Variants in USP31 observed in about 807,000 individuals in gnomAD.
USP31 encodes the protein ubiquitin specific peptidase 31, also known as ubiquitin carboxyl-terminal hydrolase 31.
USP31 carries 44 observed loss-of-function variants against 119.4 expected under a neutral mutation model. The ratio of observed to expected loss-of-function variants is 0.37; its 90% CI spans 0.29 to 0.47. The LOEUF (loss-of-function observed/expected upper bound fraction) is 0.47. USP31 is among the 20% of genes least tolerant of loss of function. The pLI is 0.99. For synonymous variants in USP31, 749 were observed against 705.6 expected, an observed-to-expected ratio of 1.06 and a Z score of -0.97; for missense variants, 1,643 against 1,730.2, an observed-to-expected ratio of 0.95 and a Z score of 0.89.
At chr16:23,148,601 CG>C in intron 1 of USP31, 36 bp downstream of exon 1, 2 of 1,424,776 alleles carry the variant, frequency 1.4e-6, no homozygotes. Context: ...CCCAGGGGCT[CG>C]GGGTGCAGTG....
Position 23,068,615 on chromosome 16 carries a change from C to G in USP31, c.3490G>C (p.Gly1164Arg). Residue 1164 changes from glycine to arginine, a missense_variant, in exon 16 of 16, where the codon GGT (glycine) becomes CGT (arginine). Gly to Arg is a moderately radical substitution (Grantham distance 125). Around this residue, in one of 5 missense-constraint regions of USP31, gnomAD observed 699 missense variants for 650.9 expected, o/e 1.07. Coordinates refer to ENST00000219689, the MANE Select transcript of USP31 (RefSeq NM_020718.4). ...GAGGTGGCGCTGGCTCTGTCAGAAC[C>G]CAAGCTTTGTCTGGAGCCCTCTCTA... Reference protein sequence around the residue: ...LSREGSRQSLGSDRASATSTS... With the variant: ...LSREGSRQSLRSDRASATSTS... 1 of 1,614,212 alleles carries G rather than the reference C, an allele frequency of 6.2e-7. No homozygotes were observed.
At position 23,149,228 on chromosome 16, in the gene USP31, C is replaced by T; in HGVS notation, c.43G>A (p.Ala15Thr). 8.9e-7 allele frequency: 1 copy of T among 1,129,248 alleles called. No individual in the cohort carries two copies. The highest frequency in any genetic ancestry group is 1.1e-6 in the Non-Finnish European group (1 of 920,654). 70.0% of individuals were successfully genotyped at this position (1,129,248 alleles called of 1,614,324 possible). A position where few individuals can be genotyped will look rare whatever the true frequency, so the allele number is the denominator to read the frequency against. ...TAPGSGPPAA[A>T]SGKEKRSFSK... Reference sequence around the variant, plus strand: ...AAGGAGCGCTTCTCCTTCCCGCTCGCCGCCGCCGGCGGCCCGGACCCAGGC... The same window carrying T: ...AAGGAGCGCTTCTCCTTCCCGCTCGTCGCCGCCGGCGGCCCGGACCCAGGC... Residue 15 changes from alanine (A) to threonine (T), a missense_variant, in exon 1 of 16, where the codon GCG (alanine) becomes ACG (threonine). Ala to Thr is a moderately conservative substitution (Grantham distance 58). Coordinates refer to ENST00000219689, the MANE Select transcript of USP31 (RefSeq NM_020718.4).
chr16:23,081,228 A>G (rs1266118834), intron 12 of USP31, among the ~76,000 whole-genome samples: 1 of 152,206 alleles, frequency 6.6e-6, no homozygotes, highest in Non-Finnish European at 1.5e-5. Flanking sequence ...ATGCCTTCAA[A>G]AGAAAACAGA....
At position 23,072,107 on chromosome 16, in the gene USP31, C is replaced by T. The variant is rs1436866024; in HGVS notation, c.2426G>A (p.Arg809His). 2.5e-6 allele frequency: 4 copies of T among 1,613,468 alleles called. No homozygotes were observed. Among genetic ancestry groups the T allele is most frequent in the East Asian group, 2.2e-5 (1 of 44,898 alleles). Reference sequence around the variant, plus strand: ...CTCAGAGAGCGACGCCAGGGAGGTGCGTCTGGAGGAAGCTGCAGAGGTCAC... The same window carrying T: ...CTCAGAGAGCGACGCCAGGGAGGTGTGTCTGGAGGAAGCTGCAGAGGTCAC... ...ASVTSAASSR[R>H]TSLASLSESV... Residue 809 changes from arginine (R) to histidine (H), a missense_variant, in exon 15 of 16, where the codon CGC (arginine) becomes CAC (histidine). Transcript: ENST00000219689.
intron 13 of USP31, chr16:23,079,072 G>A (rs1014056226): frequency 6.6e-6 from 1 of 152,124 alleles, no homozygotes; most frequent in Non-Finnish European, 1.5e-5. Flanking sequence ...AGAGAAAATG[G>A]GAATTAGTGT....
At chr16:23,115,411 A>C (rs1476123546) in intron 1 of USP31, among the ~76,000 whole-genome samples, 1 of 152,210 alleles carries the variant, frequency 6.6e-6, no homozygotes, top group Non-Finnish European at 1.5e-5. Flanking sequence ...TGATCTCAGC[A>C]CGTTGGGAGG....
At position 23,105,524 on chromosome 16, in the gene USP31, T is replaced by C. The variant is rs1472169536; in HGVS notation, c.1006A>G (p.Ile336Val). 1.9e-6 allele frequency: 3 copies of C among 1,614,024 alleles called. No homozygotes were observed. The African/African-American group carries it at 4.0e-5, about 22-fold the overall frequency. The change falls in exon 5 of 16, where the codon ATT becomes GTT. Residue 336 changes from isoleucine to valine, a missense_variant. This residue lies in a region of USP31 where 144 missense variants were observed against 218.0 expected (regional missense o/e 0.66). Transcript: ENST00000219689. The stretch of plus-strand genomic sequence containing the variant: ...CCAGACAGAGGTACGGCCACACCAA[T>C]CCTCATGCAGTGAGAACATTTGCCT... ...YQGKCSHCMR[I>V]GVAVPLSGTV...
At chr16:23,146,329 G>T (rs190976242) in intron 1 of USP31, among the ~76,000 whole-genome samples, 1 of 151,992 alleles carries the variant, frequency 6.6e-6, no homozygotes, top group African/African-American at 2.4e-5. Context: ...GGTGGCTCAC[G>T]CCTGTAATCT....
At chr16:23,107,929 T>C (rs1403788558) in intron 2 of USP31, 117 bp downstream of exon 2, 2 of 1,282,606 alleles carry the variant, frequency 1.6e-6, no homozygotes, top group East Asian at 2.6e-5. Context: ...CTGAATCTTA[T>C]ACTCACCCAG....
intron 6 of USP31, among the ~76,000 whole-genome samples, chr16:23,100,206 C>T (rs146516640): frequency 1.2e-4 from 19 of 152,226 alleles, no homozygotes; most frequent in Admixed American, 1.2e-3. Flanking sequence ...TAAGTCCACA[C>T]AAAAACTTGT....
chr16:23,148,052 A>C (rs901849468), intron 1 of USP31, among the ~76,000 whole-genome samples: 4 of 152,126 alleles, frequency 2.6e-5, no homozygotes, highest in African/African-American at 9.6e-5. Flanking sequence ...TAATAACAAA[A>C]ATAATAGCAG....
intron 13 of USP31, among the ~76,000 whole-genome samples, chr16:23,076,326 A>G (rs567093422): frequency 6.6e-6 from 1 of 152,216 alleles, no homozygotes; most frequent in East Asian, 1.9e-4. Context: ...AAAACAGAGT[A>G]TCTTTCATTC....
chr16:23,084,824 C>T, intron 11 of USP31, 36 bp downstream of exon 11: 3 of 1,612,426 alleles, frequency 1.9e-6, no homozygotes, highest in Non-Finnish European at 2.5e-6. Flanking sequence ...CTCCCCACTG[C>T]CCTGAGCAAC....
chr16:23,103,131 C>G (rs769822104), intron 5 of USP31, among the ~76,000 whole-genome samples: 1 of 152,106 alleles, frequency 6.6e-6, no homozygotes, highest in Non-Finnish European at 1.5e-5. Context: ...ACCAGGAGAT[C>G]ATAATGTCTA....
chr16:23,067,945 CAAAAA>C lies in USP31; in HGVS notation c.*96_*100del. On this transcript the variant is annotated 3_prime_UTR_variant, in exon 16 of 16. Coordinates refer to ENST00000219689, the MANE Select transcript of USP31 (RefSeq NM_020718.4). Reference sequence around the variant, plus strand: ...CACACACACAGTCGGGCACGTGACTCAAAAAAGTACAAAACAAAAGCACAGGAGGC... The same window carrying C: ...CACACACACAGTCGGGCACGTGACTCAGTACAAAACAAAAGCACAGGAGGC... 1.4e-6 allele frequency: 2 copies of C among 1,464,720 alleles called. No homozygotes were observed. The highest frequency in any genetic ancestry group is 9.1e-7 in the Non-Finnish European group (1 of 1,100,020). The allele number at this position is 1,464,720 out of a possible 1,614,324, so 90.7% of individuals were successfully genotyped here.
Position 23,068,307 on chromosome 16 carries a change from G to A in USP31, c.3798C>T (p.Thr1266=), listed in dbSNP as rs188687090. ...GGCCTCTCTCTGCCTCGTCGTCCCC[G>A]GTGTTCTTACAGACAGACTTAACAG... ...GSSVKSVCKN[T]GDDEAERGHQ... is the part of the protein sequence containing the mutation. The change falls in exon 16 of 16, where the codon ACC becomes ACT. Residue 1266 remains threonine (T), a synonymous_variant. Transcript: ENST00000219689. 96 of 1,613,934 alleles carry A rather than the reference G, an allele frequency of 5.9e-5. No individual in the cohort carries two copies. Among genetic ancestry groups the A allele is most frequent in the South Asian group, 2.4e-4 (22 of 91,072 alleles).
chr16:23,073,563 C>T (rs1032948095), intron 14 of USP31, among the ~76,000 whole-genome samples, 159 bp downstream of exon 14: 50 of 152,298 alleles, frequency 3.3e-4, no homozygotes, highest in African/African-American at 1.2e-3. Context: ...CCCCAACTTC[C>T]TTGACTGCAG....
intron 6 of USP31, among the ~76,000 whole-genome samples, chr16:23,096,102 C>T (rs1268252651): frequency 6.6e-6 from 1 of 152,088 alleles, no homozygotes; most frequent in East Asian, 1.9e-4. Flanking sequence ...AGACCCATCT[C>T]ATGTGCAGAG....
At position 23,063,911 on chromosome 16, in the gene USP31, AGTGT is replaced by A. The variant is rs773759402; in HGVS notation, c.*4131_*4134del. The A allele has an allele frequency of 1.3e-5, 2 of 152,248 alleles. No homozygotes were observed. The highest frequency in any genetic ancestry group is 2.4e-5 in the African/African-American group (1 of 41,464). The allele number at this position is 152,248 out of a possible 1,614,324, so 9.4% of individuals were successfully genotyped here. ...ATACTTTGAAAGTTGATCAAAAGGCAGTGTGAGAGTGTTCATTTAAATAAAACCA... is the reference window on the plus strand; with the variant it reads ...ATACTTTGAAAGTTGATCAAAAGGCAGAGAGTGTTCATTTAAATAAAACCA... On this transcript the variant is annotated 3_prime_UTR_variant, in exon 16 of 16. Transcript: ENST00000219689.
Sources: allele counts gnomAD v4.1 joint callset (sites outside exome capture counted in the v4.1 genomes callset), GRCh38; gene constraint gnomAD v4.1.1; regional missense constraint gnomAD v4.1.1; transcripts MANE v1.5; gene names NCBI Gene and HGNC (gene_info 2026-07-23, HGNC 2026-07-21).